ODAD1: variants seen among roughly 807,000 people sequenced by gnomAD.
The protein encoded by ODAD1 is outer dynein arm docking complex subunit 1, also known as outer dynein arm-docking complex subunit 1.
Under a neutral mutation model 67.2 loss-of-function variants are expected in ODAD1, and 49 were observed. The ratio of observed to expected loss-of-function variants is 0.73; its 90% CI spans 0.58 to 0.92. ODAD1 has a LOEUF of 0.92. ODAD1 is among the 40% of genes least tolerant of loss of function. ODAD1 has a pLI of 0.00. For missense variants in ODAD1, 897 were observed against 953.7 expected, an observed-to-expected ratio of 0.94 and a Z score of 0.78; for synonymous variants, 345 against 393.7, an observed-to-expected ratio of 0.88 and a Z score of 1.46.
At chr19:48,301,815 CTGGATGGATGGATGGATGGATGGA>C (rs201641397) in intron 12 of ODAD1, among the ~76,000 whole-genome samples, 8 of 145,306 alleles carry the variant, frequency 5.5e-5, no homozygotes, top group Non-Finnish European at 7.5e-5. Context: ...GGAATAGATC[CTGGATGGATGGATGGATGGATGGA>C]TGGATGGATG....
rs61747754 is a variant in ODAD1 at position 48,297,494 on chromosome 19, C to A, written c.1606G>T (p.Ala536Ser). The A allele has an allele frequency of 0.16, 256,097 of 1,602,864 alleles. 22,199 individuals are homozygous for A. The highest frequency in any genetic ancestry group is 0.19 in the Middle Eastern group (1,160 of 5,974). The change falls in exon 16 of 16, where the codon GCG becomes TCG. Residue 536 changes from alanine (A) to serine (S), a missense_variant. By Grantham distance (99) the Ala-to-Ser change is moderately conservative. Coordinates refer to ENST00000674294, the MANE Select transcript of ODAD1 (RefSeq NM_001364171.2). ...GCGGCCAGGTCCTTCTGGCGCTGCG[C>A]CTCCGCCTGCTCCTGGAGCTCCACC... ...KLVELQEQAE[A>S]QRQKDLAAAA...
At chr19:48,308,962 C>T (rs573176007) in intron 7 of ODAD1, among the ~76,000 whole-genome samples, 5 of 151,778 alleles carry the variant, frequency 3.3e-5, no homozygotes, top group African/African-American at 4.8e-5. Flanking sequence ...CTGCCCCTTC[C>T]GAGTTGGTGG....
At position 48,297,394 on chromosome 19, in the gene ODAD1, A is replaced by T. The variant is rs750303859; in HGVS notation, c.1706T>A (p.Leu569Gln). Residue 569 changes from leucine (L) to glutamine (Q), a missense_variant, in exon 16 of 16, where the codon CTG becomes CAG. Physicochemically the swap from Leu to Gln is moderately radical, Grantham distance 113 (BLOSUM62 -2). Transcript: ENST00000674294. The part of the protein sequence containing the change: ...STQRAGSSTV[L>Q]VPTRHPHAIP... ...GGCATGGGGGTGCCTGGTGGGCACC[A>T]GGACGGTACTGGAGCCGGCCCTCTG... The T allele has an allele frequency of 1.2e-6, 2 of 1,606,970 alleles. No individual in the cohort carries two copies. Among genetic ancestry groups the T allele is most frequent in the East Asian group, 4.5e-5 (2 of 44,870 alleles).
At chr19:48,320,723 T>C (rs1468085928) in intron 2 of ODAD1, 49 bp downstream of exon 2, 1 of 172,404 alleles carries the variant, frequency 5.8e-6, no homozygotes, top group Non-Finnish European at 1.3e-5. Flanking sequence ...GTAGTGGGGG[T>C]TGGGCAGGGT....
In ODAD1 at chr19:48,303,777, C is replaced by T; in HGVS notation, c.861G>A (p.Glu287=). Residue 287 remains glutamate (E), a synonymous_variant, in exon 10 of 16, where the codon GAG becomes GAA. Coordinates refer to ENST00000674294, the MANE Select transcript of ODAD1 (RefSeq NM_001364171.2). ...AGGTCTTCCAGACGCCCTCGGCCAC[C>T]TCCCCGGCTAGGGGAAGAGAGAACA... The part of the protein sequence containing the change: ...VLEKREKQAG[E]VAEGVWKTSQ... 6.2e-7 allele frequency: 1 copy of T among 1,608,560 alleles called. No individual in the cohort carries two copies. Among genetic ancestry groups the T allele is most frequent in the South Asian group, 1.1e-5 (1 of 90,274 alleles).
Position 48,321,857 on chromosome 19 carries a change from G to T in ODAD1, c.-243C>A, listed in dbSNP as rs1969036163. On this transcript the variant is annotated 5_prime_UTR_variant, in exon 1 of 16. Coordinates refer to ENST00000674294, the MANE Select transcript of ODAD1 (RefSeq NM_001364171.2). ...CGGTGTCGAAGCCGGGAGTTGCGCG[G>T]AGAAGGAGCGCTCAACACAGCCTCA... 2.5e-6 allele frequency: 1 copy of T among 398,620 alleles called. No homozygotes were observed. Among genetic ancestry groups the T allele is most frequent in the Non-Finnish European group, 4.4e-6 (1 of 226,048 alleles). 24.7% of individuals were successfully genotyped at this position (398,620 alleles called of 1,614,324 possible). A position where few individuals can be genotyped will look rare whatever the true frequency, so the allele number is the denominator to read the frequency against.
intron 7 of ODAD1, among the ~76,000 whole-genome samples, chr19:48,306,735 C>G (rs1304770262): frequency 6.6e-6 from 1 of 152,114 alleles, no homozygotes; most frequent in Non-Finnish European, 1.5e-5. Context: ...CAAATGGAAG[C>G]AAGTGAACTT....
chr19:48,309,911 T>A (rs1027717032), intron 7 of ODAD1, among the ~76,000 whole-genome samples: 7 of 152,114 alleles, frequency 4.6e-5, no homozygotes, highest in Non-Finnish European at 8.8e-5. Context: ...CCCCCCAAAG[T>A]GCAGATGCCA....
chr19:48,306,168 A>G, intron 8 of ODAD1, 88 bp downstream of exon 8: 1 of 1,515,720 alleles, frequency 6.6e-7, no homozygotes, highest in Non-Finnish European at 8.9e-7. Context: ...GTGTTTCATG[A>G]GTCCTGAACC....
rs779284682 is a variant in ODAD1, at chr19:48,297,025, G to GCAGGGCCGGTGCTGGAGA, written c.2057_2074dup (p.Val686_Pro691dup). ...GGAGGAGCCCGGGCCAGTGCTGGAG[G>GCAGGGCCGGTGCTGGAGA]CAGGGCCGGTGCTGGAGACGTGGTC... On this transcript the variant is annotated inframe_insertion, in exon 16 of 16. Coordinates refer to ENST00000674294, the MANE Select transcript of ODAD1 (RefSeq NM_001364171.2). The GCAGGGCCGGTGCTGGAGA allele has an allele frequency of 9.9e-6, 16 of 1,611,308 alleles. No homozygotes were observed. The East Asian group carries it at 2.9e-4, about 29-fold the overall frequency.
At chr19:48,309,275 C>T (rs1968698037) in intron 7 of ODAD1, among the ~76,000 whole-genome samples, 1 of 152,142 alleles carries the variant, frequency 6.6e-6, no homozygotes, top group African/African-American at 2.4e-5. Context: ...TCCTTCAAGC[C>T]AGGGAGGGCC....
Position 48,297,655 on chromosome 19 carries a change from C to A in ODAD1, c.1516G>T (p.Gly506Cys). 6.6e-7 allele frequency: 1 copy of A among 1,515,922 alleles called. No individual in the cohort carries two copies. The highest frequency in any genetic ancestry group is 8.8e-7 in the Non-Finnish European group (1 of 1,133,866). The allele number at this position is 1,515,922 out of a possible 1,614,324, so 93.9% of individuals were successfully genotyped here. A position where few individuals can be genotyped will look rare whatever the true frequency, so the allele number is the denominator to read the frequency against. The change falls in exon 15 of 16, where the codon GGT becomes TGT. Residue 506 changes from glycine to cysteine, a missense_variant. Gly to Cys is a radical substitution (Grantham distance 159, BLOSUM62 -3). Transcript: ENST00000674294. Reference protein sequence around the residue: ...QPPDTLEDPPGFEASDDYPMS... With the variant: ...QPPDTLEDPPCFEASDDYPMS... ...GGGTAGTCATCGCTGGCCTCAAAAC[C>A]CGGGGGGTCTTCTCTGGGGAGGGGA... is the stretch of plus-strand genomic sequence containing the variant.
Position 48,321,955 on chromosome 19 carries a change from C to G in ODAD1, c.-341G>C. On this transcript the variant is annotated 5_prime_UTR_variant, in exon 1 of 16. Coordinates refer to ENST00000674294, the MANE Select transcript of ODAD1 (RefSeq NM_001364171.2). ...AAAACGCTTGGCCGCCTACCACGTC[C>G]GCGCGCTGGAGGGCGGAAGTGGGTG... is the stretch of plus-strand genomic sequence containing the variant. The G allele has an allele frequency of 5.1e-6, 2 of 392,842 alleles. No individual in the cohort carries two copies. Among genetic ancestry groups the G allele is most frequent in the Non-Finnish European group, 9.0e-6 (2 of 222,338 alleles). The allele number at this position is 392,842 out of a possible 1,614,324, so 24.3% of individuals were successfully genotyped here.
chr19:48,296,691 G>A lies in ODAD1; in HGVS notation c.*285C>T, dbSNP rs1258492571. The A allele has an allele frequency of 3.6e-6, 4 of 1,099,592 alleles. No individual in the cohort carries two copies. Among genetic ancestry groups the A allele is most frequent in the Non-Finnish European group, 4.7e-6 (4 of 858,508 alleles). 68.1% of individuals were successfully genotyped at this position (1,099,592 alleles called of 1,614,324 possible). On this transcript the variant is annotated 3_prime_UTR_variant, in exon 16 of 16. Transcript: ENST00000674294. The stretch of plus-strand genomic sequence containing the variant: ...GGGCCAGGGCTCAGCAGACAGGGAA[G>A]GGGCAGATATGGAGACAAGACGGAC...
chr19:48,318,257 G>A (rs988536529), intron 5 of ODAD1, 130 bp downstream of exon 5: 16 of 774,440 alleles, frequency 2.1e-5, no homozygotes, highest in Non-Finnish European at 3.1e-5. Context: ...CTCCCAATGT[G>A]CTGGGATTAC....
At chr19:48,306,433 C>A in intron 7 of ODAD1, 110 bp from the exon 8 acceptor site, 1 of 882,142 alleles carries the variant, frequency 1.1e-6, no homozygotes, top group Non-Finnish European at 1.8e-6. Context: ...CTTGAGCCTT[C>A]CAAATGTGGA....
chr19:48,321,105 G>C (rs978760703), intron 1 of ODAD1, among the ~76,000 whole-genome samples: 1 of 152,204 alleles, frequency 6.6e-6, no homozygotes, highest in Non-Finnish European at 1.5e-5. Flanking sequence ...GGACATGGCG[G>C]CTCGTGCCTG....
At chr19:48,311,696 G>C (rs1569009128) in intron 6 of ODAD1, 30 bp from the exon 7 acceptor site, 1 of 1,333,700 alleles carries the variant, frequency 7.5e-7, no homozygotes, top group Non-Finnish European at 1.1e-6. Flanking sequence ...TGGAAGAGTG[G>C]GTCTGAAGCC....
At chr19:48,301,587 T>G (rs1023493904) in intron 12 of ODAD1, among the ~76,000 whole-genome samples, 1 of 152,176 alleles carries the variant, frequency 6.6e-6, no homozygotes, top group Non-Finnish European at 1.5e-5. Flanking sequence ...AGAAATTTGG[T>G]AACTAAGACT....
Sources: allele counts gnomAD v4.1 joint callset (sites outside exome capture counted in the v4.1 genomes callset), GRCh38; gene constraint gnomAD v4.1.1; transcripts MANE v1.5; gene names NCBI Gene and HGNC (gene_info 2026-07-23, HGNC 2026-07-21).